The following DTD2 variants were observed in gnomAD, a reference collection of about 807,000 sequenced individuals.
DTD2 encodes D-aminoacyl-tRNA deacylase 2, also known as D-tyrosyl-tRNA deacylase 2 (putative).
In DTD2, 12 loss-of-function variants were observed where a neutral mutation model predicts 15.5. The ratio of observed to expected loss-of-function variants is 0.77; its 90% CI spans 0.50 to 1.25. DTD2 has a LOEUF of 1.25. DTD2 is among the 50% of genes most tolerant of loss of function. The probability of loss-of-function intolerance (pLI) is 0.00; values close to 1 mark genes in which losing one functional copy is unlikely to be tolerated. For synonymous variants in DTD2, 59 were observed against 77.3 expected, an observed-to-expected ratio of 0.76 and a Z score of 1.24; for missense variants, 170 against 201.1, an observed-to-expected ratio of 0.85 and a Z score of 0.93.
At chr14:31,455,255 A>G (rs2032081679) in intron 1 of DTD2, among the ~76,000 whole-genome samples, 2 of 152,162 alleles carry the variant, frequency 1.3e-5, no homozygotes, top group Non-Finnish European at 2.9e-5. Context: ...ATGCAACTAT[A>G]AAAATGGATA....
rs1029067312 is a variant in DTD2, at chr14:31,446,383, A to G, written c.*1746T>C. On this transcript the variant is annotated 3_prime_UTR_variant, in exon 3 of 3. Coordinates refer to ENST00000310850, the MANE Select transcript of DTD2 (RefSeq NM_080664.3). Reference sequence around the variant, plus strand: ...AGTCAGAGGAGTTTGCCAAAACTGAATATTACCTCTTACTGACTTAATTAT... The same window carrying G: ...AGTCAGAGGAGTTTGCCAAAACTGAGTATTACCTCTTACTGACTTAATTAT... 6.6e-6 allele frequency: 1 copy of G among 152,114 alleles called. No homozygotes were observed. The highest frequency in any genetic ancestry group is 1.9e-4 in the East Asian group (1 of 5,198). The allele number at this position is 152,114 out of a possible 1,614,324, so 9.4% of individuals were successfully genotyped here.
rs760942900 is a variant in DTD2, at chr14:31,448,245, C to T, written c.391G>A (p.Ala131Thr). 8.1e-6 allele frequency: 13 copies of T among 1,614,078 alleles called. No individual in the cohort carries two copies. Among genetic ancestry groups the T allele is most frequent in the Non-Finnish European group, 1.1e-5 (13 of 1,180,034 alleles). ...GCTTCAGCACACTTGCTATTAGCAGCTACTTCTTTTTCACATAGAGTCACA... is the reference window on the plus strand; with the variant it reads ...GCTTCAGCACACTTGCTATTAGCAGTTACTTCTTTTTCACATAGAGTCACA... Reference protein sequence around the residue: ...QFVTLCEKEVAANSKCAEARV... With the variant: ...QFVTLCEKEVTANSKCAEARV... Residue 131 changes from alanine (A) to threonine (T), a missense_variant, in exon 3 of 3, where the codon GCT (alanine) becomes ACT (threonine). Ala to Thr is a moderately conservative substitution (Grantham distance 58, BLOSUM62 0). Transcript: ENST00000310850.
chr14:31,448,322 T>A lies in DTD2; in HGVS notation c.314A>T (p.Gln105Leu). The change falls in exon 3 of 3, where the codon CAA (glutamine) becomes CTA (leucine). Residue 105 changes from glutamine to leucine, a missense_variant. Coordinates refer to ENST00000310850, the MANE Select transcript of DTD2 (RefSeq NM_080664.3). Reference protein sequence around the residue: ...LGGRLKGRNMQYHSNSGKEEG... With the variant: ...LGGRLKGRNMLYHSNSGKEEG... ...TTCTTTTCCAGAGTTAGAGTGATATTGCATGTTTCTTCCTTTTAGTCTTCC... is the reference window on the plus strand; with the variant it reads ...TTCTTTTCCAGAGTTAGAGTGATATAGCATGTTTCTTCCTTTTAGTCTTCC... The A allele has an allele frequency of 6.2e-7, 1 of 1,614,212 alleles. No homozygotes were observed. Among genetic ancestry groups the A allele is most frequent in the Non-Finnish European group, 8.5e-7 (1 of 1,180,042 alleles).
rs765770820 is a variant in DTD2 at position 31,448,279 on chromosome 14, G to C, written c.357C>G (p.Tyr119Ter). The C allele has an allele frequency of 6.2e-7, 1 of 1,614,150 alleles. No homozygotes were observed. Among genetic ancestry groups the C allele is most frequent in the South Asian group, 1.1e-5 (1 of 91,086 alleles). The change falls in exon 3 of 3, where the codon TAC (tyrosine) becomes TAG (stop). Residue 119 changes from tyrosine (Y) to a stop codon, truncating the protein, a stop_gained. Transcript: ENST00000310850. LOFTEE classifies it high-confidence loss of function. ...NSGKEEGFELYSQFVTLCEKE... is the reference protein window; with the variant it reads ...NSGKEEGFEL ...TTTCACATAGAGTCACAAATTGAGA[G>C]TAAAGTTCAAACCCTTCTTCTTTTC...
At chr14:31,452,161 A>C (rs2032042626) in intron 2 of DTD2, 1 of 152,162 alleles carries the variant, frequency 6.6e-6, no homozygotes, top group Admixed American at 6.5e-5. Context: ...CCTTACATCT[A>C]TTCTTATTTC....
chr14:31,452,371 A>T (rs1307499523), intron 2 of DTD2: 1 of 152,230 alleles, frequency 6.6e-6, no homozygotes, highest in Non-Finnish European at 1.5e-5. Context: ...ACTTCCAAGA[A>T]GTTTCTGTAT....
Position 31,457,481 on chromosome 14 carries a change from G to T in DTD2, c.-88C>A. 2 of 1,061,490 alleles carry T rather than the reference G, an allele frequency of 1.9e-6. No homozygotes were observed. The highest frequency in any genetic ancestry group is 1.8e-5 in the South Asian group (1 of 55,386). The allele number at this position is 1,061,490 out of a possible 1,614,324, so 65.8% of individuals were successfully genotyped here. On this transcript the variant is annotated 5_prime_UTR_variant, in exon 1 of 3. Transcript: ENST00000310850. ...CGCGCTGGCGGGGCAGACGAGGCGG[G>T]GCACGACGAAGGGCCTGCGCCGATT...
intron 2 of DTD2, among the ~76,000 whole-genome samples, chr14:31,451,065 G>T (rs1784240687): frequency 6.6e-6 from 1 of 151,798 alleles, no homozygotes; most frequent in African/African-American, 2.4e-5. Flanking sequence ...ATTAATTTAG[G>T]AAAGTGGACA....
intron 2 of DTD2, among the ~76,000 whole-genome samples, chr14:31,449,654 T>C (rs1432798117): frequency 6.6e-6 from 1 of 152,210 alleles, no homozygotes; most frequent in Non-Finnish European, 1.5e-5. Context: ...AAGTGTCTAA[T>C]ATAAATAGAC....
intron 2 of DTD2, among the ~76,000 whole-genome samples, chr14:31,449,068 T>C (rs776175424): frequency 6.6e-5 from 10 of 152,168 alleles, no homozygotes; most frequent in Non-Finnish European, 1.5e-4. Context: ...TAATTTTTTG[T>C]ATTTTTAGTA....
chr14:31,451,560 C>T (rs1271335502), intron 2 of DTD2, among the ~76,000 whole-genome samples: 3 of 152,114 alleles, frequency 2.0e-5, no homozygotes, highest in South Asian at 2.1e-4. Context: ...ATTGCAGTTA[C>T]TGGCTTTCCA....
chr14:31,455,716 G>A (rs959557955), intron 1 of DTD2, among the ~76,000 whole-genome samples: 8 of 151,364 alleles, frequency 5.3e-5, no homozygotes, highest in Non-Finnish European at 1.2e-4. Context: ...CGAGTAGCTG[G>A]GATTACAGGT....
chr14:31,453,192 G>T (rs1190634921), intron 2 of DTD2, 83 bp downstream of exon 2: 2 of 1,322,012 alleles, frequency 1.5e-6, no homozygotes, highest in African/African-American at 1.4e-5. Context: ...ACTTGCCTTG[G>T]CCTCCCAACG....
rs114362026 is a variant in DTD2 at position 31,453,641 on chromosome 14, A to G, written c.112-297T>C. Among the ~76,000 whole-genome samples, 536 of 152,304 alleles carry G rather than the reference A, an allele frequency of 3.5e-3. 6 individuals are homozygous for G. The highest frequency in any genetic ancestry group is 0.012 in the African/African-American group (507 of 41,572). On this transcript the variant is annotated intron_variant, in intron 1 of 2. Coordinates refer to ENST00000310850, the MANE Select transcript of DTD2 (RefSeq NM_080664.3). Reference sequence around the variant, plus strand: ...TAAGAGGATCAACCAGCCTTTTCTCAAGTAAGGGTGACAGACTTAGAAACA... The same window carrying G: ...TAAGAGGATCAACCAGCCTTTTCTCGAGTAAGGGTGACAGACTTAGAAACA...
At position 31,448,028 on chromosome 14, in the gene DTD2, A is replaced by C. The variant is rs561024359; in HGVS notation, c.*101T>G. 1 of 1,057,516 alleles carries C rather than the reference A, an allele frequency of 9.5e-7. No homozygotes were observed. Among genetic ancestry groups the C allele is most frequent in the East Asian group, 2.5e-5 (1 of 40,628 alleles). The allele number at this position is 1,057,516 out of a possible 1,614,324, so 65.5% of individuals were successfully genotyped here. A position where few individuals can be genotyped will look rare whatever the true frequency, so the allele number is the denominator to read the frequency against. ...AAACCCAAGATTTTCCTGTCTAAAA[A>C]TGCTGAAGATTAGTATATTCAAGAT... On this transcript the variant is annotated 3_prime_UTR_variant, in exon 3 of 3. Transcript: ENST00000310850.
intron 1 of DTD2, among the ~76,000 whole-genome samples, chr14:31,454,462 G>A (rs1340791787): frequency 2.6e-5 from 4 of 152,160 alleles, no homozygotes; most frequent in Non-Finnish European, 4.4e-5. Context: ...AAGTACAATC[G>A]TGCTACTGAA....
chr14:31,449,420 A>G (rs2032003692), intron 2 of DTD2, among the ~76,000 whole-genome samples: 1 of 152,236 alleles, frequency 6.6e-6, no homozygotes, highest in African/African-American at 2.4e-5. Flanking sequence ...ATCATCAGAA[A>G]TTCATTGTTA....
At chr14:31,449,486 A>G (rs2032004352) in intron 2 of DTD2, among the ~76,000 whole-genome samples, 1 of 152,208 alleles carries the variant, frequency 6.6e-6, no homozygotes, top group South Asian at 2.1e-4. Context: ...TCATACACAT[A>G]TACGAAAACG....
At chr14:31,453,131 G>T (rs2032056777) in intron 2 of DTD2, 144 bp downstream of exon 2, 1 of 681,332 alleles carries the variant, frequency 1.5e-6, no homozygotes, top group African/African-American at 1.8e-5. Context: ...TAGAGAAGAG[G>T]TCTTACTATG....
Sources: gnomAD v4.1 joint callset for allele counts (sites outside exome capture counted in the v4.1 genomes callset) on GRCh38, gnomAD v4.1.1 for gene constraint, MANE v1.5 for transcripts, NCBI Gene and HGNC (gene_info 2026-07-23, HGNC 2026-07-21) for gene names.